The following FBH1 variants were observed in gnomAD, a reference collection of about 807,000 sequenced individuals.
FBH1 encodes F-box DNA helicase 1.
A neutral mutation model predicts 115.5 loss-of-function variants in FBH1; 43 were observed. The observed-to-expected ratio is 0.37, with a 90% CI of 0.29 to 0.48. FBH1 has a LOEUF of 0.48. Among genes scored for constraint, FBH1 ranks in the 20% least tolerant of loss-of-function variants. The pLI is 0.99. For missense variants in FBH1, 1,001 were observed against 1,337.3 expected (o/e 0.75, Z 3.92); for synonymous variants, 524 against 507.8 (o/e 1.03, Z -0.43).
At chr10:5,898,138 C>T (rs1412093831) in intron 1 of FBH1, among the ~76,000 whole-genome samples, 1 of 152,188 alleles carries the variant, frequency 6.6e-6, no homozygotes, top group Non-Finnish European at 1.5e-5. Context: ...CTGCCTCAGT[C>T]CATTTGGGCT....
At position 5,911,004 on chromosome 10, in the gene FBH1, C is replaced by T. The variant is rs933769365; in HGVS notation, c.1087C>T (p.Arg363Ter). The change falls in exon 6 of 21, where the codon CGA becomes TGA. Residue 363 changes from arginine to a stop codon, truncating the protein, a stop_gained. Coordinates refer to ENST00000362091, the MANE Select transcript of FBH1 (RefSeq NM_178150.3). LOFTEE classifies it high-confidence loss of function. This position sits in a 1 kb window ranked among gnomAD's most constrained non-coding sequence, Gnocchi z 5.4. The part of the protein sequence containing the change: ...LLSSSVNDIQ[R>*]LLFCLRRPSS... ...CTCCAGCAGTGTGAATGACATCCAG[C>T]GACTGCTCTTCTGCCTCCGGAGACC... is the stretch of plus-strand genomic sequence containing the variant. The T allele has an allele frequency of 3.1e-6, 5 of 1,612,518 alleles. No individual in the cohort carries two copies. Among genetic ancestry groups the T allele is most frequent in the African/African-American group, 2.7e-5 (2 of 74,902 alleles).
At chr10:5,894,978 T>G in intron 1 of FBH1, 1 of 1,537,248 alleles carries the variant, frequency 6.5e-7, no homozygotes, top group Non-Finnish European at 8.8e-7. Context: ...CTTCCTGGCT[T>G]GAGTGAATAC....
chr10:5,932,619 C>T lies in FBH1; in HGVS notation c.2830-3837C>T, dbSNP rs879659108. 3.9e-5 allele frequency among the ~76,000 whole-genome samples: 6 copies of T among 152,178 alleles called. No individual in the cohort carries two copies. The highest frequency in any genetic ancestry group is 2.9e-5 in the Non-Finnish European group (2 of 68,032). On this transcript the variant is annotated intron_variant, in intron 19 of 20. Coordinates refer to ENST00000362091, the MANE Select transcript of FBH1 (RefSeq NM_178150.3). This position sits in a 1 kb window ranked among gnomAD's most constrained non-coding sequence, Gnocchi z 5.9. Reference sequence around the variant, plus strand: ...TAATGCTGCATTGCACAATCTTGTGCACAGGTCATTTCTGTTTTTGCCAGT... The same window carrying T: ...TAATGCTGCATTGCACAATCTTGTGTACAGGTCATTTCTGTTTTTGCCAGT...
In FBH1 at chr10:5,909,794, C is replaced by T. The variant is rs928253824; in HGVS notation, c.1020+500C>T. ...TTCCCAGATTTTATCTTCGAAGCTA[C>T]GTGCAACCTCTGCGTGTGTTTTACT... On this transcript the variant is annotated intron_variant, in intron 5 of 20. Transcript: ENST00000362091. This position sits in a 1 kb window ranked among gnomAD's most constrained non-coding sequence, Gnocchi z 4.4. Among the ~76,000 whole-genome samples, 1 of 152,208 alleles carries T rather than the reference C, an allele frequency of 6.6e-6. No homozygotes were observed. The highest frequency in any genetic ancestry group is 1.5e-5 in the Non-Finnish European group (1 of 68,032).
At position 5,910,007 on chromosome 10, in the gene FBH1, C is replaced by T. The variant is rs910156503; in HGVS notation, c.1020+713C>T. 5.9e-5 allele frequency among the ~76,000 whole-genome samples: 9 copies of T among 152,196 alleles called. No individual in the cohort carries two copies. Among genetic ancestry groups the T allele is most frequent in the South Asian group, 4.1e-4 (2 of 4,828 alleles). On this transcript the variant is annotated intron_variant, in intron 5 of 20. Transcript: ENST00000362091. This position sits in a 1 kb window ranked among gnomAD's most constrained non-coding sequence, Gnocchi z 4.8. ...TAACTTAAGAATGGTAAAGGCTGGGCGTGGTGGCTCACGCCTGTTATCCCA... is the reference window on the plus strand; with the variant it reads ...TAACTTAAGAATGGTAAAGGCTGGGTGTGGTGGCTCACGCCTGTTATCCCA...
intron 1 of FBH1, among the ~76,000 whole-genome samples, chr10:5,899,865 C>G (rs914331456): frequency 1.3e-5 from 2 of 152,204 alleles, no homozygotes; most frequent in African/African-American, 4.8e-5. Context: ...ACTTTGTTTT[C>G]TTTCCAATGT....
intron 19 of FBH1, chr10:5,929,841 G>A (rs1832871026): frequency 1.4e-4 from 21 of 152,174 alleles, no homozygotes; most frequent in Admixed American, 1.4e-3. Flanking sequence ...AAATCATTAT[G>A]TACAAATAGT....
In FBH1 at chr10:5,931,903, C is replaced by T. The variant is rs542935521; in HGVS notation, c.2829+4362C>T. Among the ~76,000 whole-genome samples, 66 of 152,238 alleles carry T rather than the reference C, an allele frequency of 4.3e-4. No individual in the cohort carries two copies. Among genetic ancestry groups the T allele is most frequent in the Non-Finnish European group, 8.1e-4 (55 of 68,010 alleles). ...TCACCCCTGTAATCCCAGCACTTTG[C>T]GGGGCTGAGGCAGACAGGTCACTTT... On this transcript the variant is annotated intron_variant, in intron 19 of 20. Transcript: ENST00000362091. This position sits in a 1 kb window ranked among gnomAD's most constrained non-coding sequence, Gnocchi z 4.3.
chr10:5,903,570 C>T (rs996068017), intron 2 of FBH1, among the ~76,000 whole-genome samples: 1 of 152,068 alleles, frequency 6.6e-6, no homozygotes, highest in Non-Finnish European at 1.5e-5. Flanking sequence ...GTCAGGTGAT[C>T]CACCCGCCTC....
chr10:5,917,690 C>G lies in FBH1; in HGVS notation c.1963+14C>G. On this transcript the variant is annotated intron_variant, in intron 12 of 20. Transcript: ENST00000362091. This position sits in a 1 kb window ranked among gnomAD's most constrained non-coding sequence, Gnocchi z 5.6. ...ACTGCACACCAGGTGATACACTGTT[C>G]AGGACATCAGTAGTGTCAAATACGT... 6.2e-7 allele frequency: 1 copy of G among 1,602,218 alleles called. No homozygotes were observed. The highest frequency in any genetic ancestry group is 8.5e-7 in the Non-Finnish European group (1 of 1,169,960).
chr10:5,906,436 A>T lies in FBH1; in HGVS notation c.557A>T (p.Asp186Val). Residue 186 changes from aspartate to valine, a missense_variant, in exon 3 of 21, where the codon GAC (aspartate) becomes GTC (valine). Physicochemically the swap from Asp to Val is radical, Grantham distance 152. This residue lies in a region of FBH1 where 420 missense variants were observed against 430.4 expected (regional missense o/e 0.98). Coordinates refer to ENST00000362091, the MANE Select transcript of FBH1 (RefSeq NM_178150.3). The surrounding 1 kb of genome is among the most constrained non-coding windows in gnomAD (Gnocchi z 7.3). ...ESGETDQDAG[D>V]VGPDPIPDSY... The stretch of plus-strand genomic sequence containing the variant: ...GGTGAAACCGACCAAGATGCTGGGG[A>T]CGTGGGTCCTGATCCCATTCCTGAC... 2 of 1,614,154 alleles carry T rather than the reference A, an allele frequency of 1.2e-6. No individual in the cohort carries two copies. The highest frequency in any genetic ancestry group is 1.7e-6 in the Non-Finnish European group (2 of 1,180,008).
In FBH1 at chr10:5,933,884, T is replaced by G. The variant is rs770364277; in HGVS notation, c.2830-2572T>G. Among the ~76,000 whole-genome samples the G allele has an allele frequency of 2.0e-4, 30 of 152,168 alleles. No homozygotes were observed. The highest frequency in any genetic ancestry group is 3.8e-4 in the Non-Finnish European group (26 of 68,024). ...CCAGGCTGGTCTCAAACTCCTGACT[T>G]GAAGTGATCCACTCGCCTCGGCCTC... is the stretch of plus-strand genomic sequence containing the variant. On this transcript the variant is annotated intron_variant, in intron 19 of 20. Coordinates refer to ENST00000362091, the MANE Select transcript of FBH1 (RefSeq NM_178150.3). This position sits in a 1 kb window ranked among gnomAD's most constrained non-coding sequence, Gnocchi z 4.9.
At position 5,913,682 on chromosome 10, in the gene FBH1, G is replaced by C; in HGVS notation, c.1212-65G>C. The C allele has an allele frequency of 3.4e-6, 4 of 1,162,964 alleles. No homozygotes were observed. Among genetic ancestry groups the C allele is most frequent in the Non-Finnish European group, 4.8e-6 (4 of 830,066 alleles). The allele number at this position is 1,162,964 out of a possible 1,614,324, so 72.0% of individuals were successfully genotyped here. A position where few individuals can be genotyped will look rare whatever the true frequency, so the allele number is the denominator to read the frequency against. On this transcript the variant is annotated intron_variant, in intron 6 of 20. Transcript: ENST00000362091. The surrounding 1 kb of genome is among the most constrained non-coding windows in gnomAD (Gnocchi z 4.4). ...GGGAAGGAGTTTAAATCCATCTGAG[G>C]AAAAATAAGATGCAGATTGTGACTT...
At position 5,915,025 on chromosome 10, in the gene FBH1, GTC is replaced by G. The variant is rs1432100370; in HGVS notation, c.1397-371_1397-370del. Among the ~76,000 whole-genome samples the G allele has an allele frequency of 6.6e-6, 1 of 152,114 alleles. No individual in the cohort carries two copies. Among genetic ancestry groups the G allele is most frequent in the Non-Finnish European group, 1.5e-5 (1 of 68,018 alleles). On this transcript the variant is annotated intron_variant, in intron 8 of 20. Transcript: ENST00000362091. The surrounding 1 kb of genome is among the most constrained non-coding windows in gnomAD (Gnocchi z 5.2). ...GGAGGTGGAATTCAAAGCTGGACCTGTCTCTCTCCAGAGACATGCCTTCCCCC... is the reference window on the plus strand; with the variant it reads ...GGAGGTGGAATTCAAAGCTGGACCTGTCTCTCCAGAGACATGCCTTCCCCC...
chr10:5,937,383 C>T lies in FBH1; in HGVS notation c.*103C>T, dbSNP rs922485793. On this transcript the variant is annotated 3_prime_UTR_variant, in exon 21 of 21. Coordinates refer to ENST00000362091, the MANE Select transcript of FBH1 (RefSeq NM_178150.3). Reference sequence around the variant, plus strand: ...CTGCTCCCTGAGACTCTGGGTTCACCCACAGCACTTTCTGAGGAAGAGGAC... The same window carrying T: ...CTGCTCCCTGAGACTCTGGGTTCACTCACAGCACTTTCTGAGGAAGAGGAC... The T allele has an allele frequency of 2.9e-5, 37 of 1,280,254 alleles. No homozygotes were observed. In the African/African-American group the frequency reaches 5.2e-4, roughly 18 times the overall value. The allele number at this position is 1,280,254 out of a possible 1,614,324, so 79.3% of individuals were successfully genotyped here. A position where few individuals can be genotyped will look rare whatever the true frequency, so the allele number is the denominator to read the frequency against.
In FBH1 at chr10:5,897,736, C is replaced by G. The variant is rs575163070; in HGVS notation, c.2-5284C>G. On this transcript the variant is annotated intron_variant, in intron 1 of 20. Transcript: ENST00000362091. The surrounding 1 kb of genome is among the most constrained non-coding windows in gnomAD (Gnocchi z 4.7). ...CTCCCAGGGTGGCTTCATGCCAGAA[C>G]ATATTGGAATATACCGGGACTCCCT... Among the ~76,000 whole-genome samples, 1 of 152,162 alleles carries G rather than the reference C, an allele frequency of 6.6e-6. No homozygotes were observed. The highest frequency in any genetic ancestry group is 1.5e-5 in the Non-Finnish European group (1 of 68,032).
chr10:5,899,144 A>G (rs998588671), intron 1 of FBH1, among the ~76,000 whole-genome samples: 5 of 152,132 alleles, frequency 3.3e-5, no homozygotes, highest in Admixed American at 6.5e-5. Context: ...AGACCCTTCA[A>G]CTGAGCCTGA....
chr10:5,905,766 T>G (rs1821937476), intron 2 of FBH1, among the ~76,000 whole-genome samples: 1 of 152,196 alleles, frequency 6.6e-6, no homozygotes, highest in African/African-American at 2.4e-5. Flanking sequence ...TTCTCTGTAC[T>G]TGTTTTTACT....
Position 5,913,740 on chromosome 10 carries a change from C to G in FBH1, c.1212-7C>G, listed in dbSNP as rs1211336726. On this transcript the variant is annotated splice_region_variant and splice_polypyrimidine_tract_variant and intron_variant, in intron 6 of 20. Transcript: ENST00000362091. The surrounding 1 kb of genome is among the most constrained non-coding windows in gnomAD (Gnocchi z 4.4). Reference sequence around the variant, plus strand: ...AGACTTTCTAAATCTACTTTTTTTTCTGGTAGGATTCACTACAACATTTTC... The same window carrying G: ...AGACTTTCTAAATCTACTTTTTTTTGTGGTAGGATTCACTACAACATTTTC... 1 of 1,526,442 alleles carries G rather than the reference C, an allele frequency of 6.6e-7. No individual in the cohort carries two copies. The highest frequency in any genetic ancestry group is 8.7e-7 in the Non-Finnish European group (1 of 1,143,352). 94.6% of individuals were successfully genotyped at this position (1,526,442 alleles called of 1,614,324 possible). A position where few individuals can be genotyped will look rare whatever the true frequency, so the allele number is the denominator to read the frequency against.
Sources: allele counts gnomAD v4.1 joint callset (sites outside exome capture counted in the v4.1 genomes callset), GRCh38; gene constraint gnomAD v4.1.1; regional missense constraint gnomAD v4.1.1; non-coding constraint Gnocchi (gnomAD v3.1); transcripts MANE v1.5; gene names NCBI Gene and HGNC (gene_info 2026-07-23, HGNC 2026-07-21).